WDFY3: variants seen among roughly 807,000 people sequenced by gnomAD.
The protein encoded by WDFY3 is WD repeat and FYVE domain-containing protein 3.
Under a neutral mutation model 409.6 loss-of-function variants are expected in WDFY3, and 66 were observed. That is an observed-to-expected ratio of 0.16 (90% CI 0.13 to 0.20). The LOEUF (loss-of-function observed/expected upper bound fraction) is 0.20. Among genes scored for constraint, WDFY3 ranks in the 10% least tolerant of loss-of-function variants. The pLI is 1.00. For missense variants in WDFY3, 3,031 were observed against 4,298.1 expected, an observed-to-expected ratio of 0.71 and a Z score of 8.24; for synonymous variants, 1,521 against 1,537.1, an observed-to-expected ratio of 0.99 and a Z score of 0.25.
At chr4:84,833,352 G>A (rs559396895) in intron 7 of WDFY3, among the ~76,000 whole-genome samples, 125 of 152,142 alleles carry the variant, frequency 8.2e-4, no homozygotes, top group African/African-American at 2.7e-3. Context: ...GAAAAAGAGC[G>A]CTTCATGAAA....
intron 2 of WDFY3, among the ~76,000 whole-genome samples, chr4:84,928,949 C>T (rs1389719171): frequency 6.6e-6 from 1 of 152,194 alleles, no homozygotes; most frequent in East Asian, 1.9e-4. Context: ...CTGGTATTCA[C>T]ACCCTTGTGT....
chr4:84,686,338 C>A (rs1487076991), intron 62 of WDFY3, among the ~76,000 whole-genome samples: 1 of 151,776 alleles, frequency 6.6e-6, no homozygotes, highest in Non-Finnish European at 1.5e-5. Flanking sequence ...AATAAAACCC[C>A]AAAAAACAAA....
chr4:84,814,315 T>C (rs538985422), intron 13 of WDFY3, among the ~76,000 whole-genome samples: 6 of 152,286 alleles, frequency 3.9e-5, no homozygotes, highest in African/African-American at 1.4e-4. Flanking sequence ...CAAGTTGATA[T>C]CCCTAGAGTC....
chr4:84,857,913 C>G (rs548318888), intron 4 of WDFY3, among the ~76,000 whole-genome samples: 1 of 152,126 alleles, frequency 6.6e-6, no homozygotes, highest in African/African-American at 2.4e-5. Flanking sequence ...CCTATACAAA[C>G]CTCAATCTCA....
At chr4:84,869,108 A>G (rs559895062) in intron 3 of WDFY3, among the ~76,000 whole-genome samples, 1 of 152,354 alleles carries the variant, frequency 6.6e-6, no homozygotes, top group South Asian at 2.1e-4. Flanking sequence ...TGGAAGGCAC[A>G]GTACAGGGAG....
intron 21 of WDFY3, among the ~76,000 whole-genome samples, 174 bp downstream of exon 21, chr4:84,794,345 T>C (rs896480181): frequency 2.6e-5 from 4 of 152,220 alleles, no homozygotes; most frequent in Non-Finnish European, 5.9e-5. Flanking sequence ...TAAGTCTCTT[T>C]TGAAAGTGCC....
chr4:84,677,271 C>T lies in WDFY3; in HGVS notation c.10385G>A (p.Gly3462Asp). 1 of 1,614,240 alleles carries T rather than the reference C, an allele frequency of 6.2e-7. No homozygotes were observed. Among genetic ancestry groups the T allele is most frequent in the Non-Finnish European group, 8.5e-7 (1 of 1,180,040 alleles). Residue 3462 changes from glycine (G) to aspartate (D), a missense_variant, in exon 67 of 68, where the codon GGC (glycine) becomes GAC (aspartate). Around this residue, in one of 16 missense-constraint regions of WDFY3, gnomAD observed 378 missense variants for 477.3 expected, o/e 0.79. Coordinates refer to ENST00000295888, the MANE Select transcript of WDFY3 (RefSeq NM_014991.6). Reference protein sequence around the residue: ...VKDEGGDSCSGCSVRFSLTER... With the variant: ...VKDEGGDSCSDCSVRFSLTER... ...TGTGAGTGAAAACCTCACCGAGCAG[C>T]CTGAGCAGCTGTCACCACCTTCATC...
rs1318327854 is a variant in WDFY3, at chr4:84,672,621, TG to T, written c.*246del. The T allele has an allele frequency of 3.2e-6, 1 of 309,390 alleles. No homozygotes were observed. The highest frequency in any genetic ancestry group is 2.1e-5 in the African/African-American group (1 of 46,542). 19.2% of individuals were successfully genotyped at this position (309,390 alleles called of 1,614,324 possible). Reference sequence around the variant, plus strand: ...GACAGCTACTGTCATCAGGGAGAACTGGAGGTCGAAAGTGTTGCTCCTAGGA... The same window carrying T: ...GACAGCTACTGTCATCAGGGAGAACTGAGGTCGAAAGTGTTGCTCCTAGGA... On this transcript the variant is annotated 3_prime_UTR_variant, in exon 68 of 68. Coordinates refer to ENST00000295888, the MANE Select transcript of WDFY3 (RefSeq NM_014991.6).
intron 6 of WDFY3, among the ~76,000 whole-genome samples, chr4:84,840,706 A>C (rs1757216850): frequency 6.6e-6 from 1 of 151,334 alleles, no homozygotes; most frequent in South Asian, 2.1e-4. Flanking sequence ...GCCTCTGAAC[A>C]GCTGGGACTT....
chr4:84,951,232 G>C (rs1001993362), intron 1 of WDFY3, among the ~76,000 whole-genome samples: 2 of 152,142 alleles, frequency 1.3e-5, no homozygotes, highest in Non-Finnish European at 2.9e-5. Flanking sequence ...ATGAGTTACT[G>C]GTCAACATGT....
At chr4:84,956,196 G>T (rs1174515702) in intron 1 of WDFY3, among the ~76,000 whole-genome samples, 2 of 152,186 alleles carry the variant, frequency 1.3e-5, no homozygotes, top group Non-Finnish European at 2.9e-5. Flanking sequence ...TGGCTGAGCA[G>T]CTGGTTCATC....
chr4:84,701,178 T>A (rs1056711978), intron 56 of WDFY3, among the ~76,000 whole-genome samples: 2 of 152,232 alleles, frequency 1.3e-5, no homozygotes, highest in Non-Finnish European at 2.9e-5. Flanking sequence ...TTGTTCTCGT[T>A]GACTATTCTA....
At position 84,877,647 on chromosome 4, in the gene WDFY3, T is replaced by C. The variant is rs974229478; in HGVS notation, c.-31-17025A>G. ...TCTGACAGATGCCTCACCGTCTTGG[T>C]TCCCATAGCATCCTGTGTACATCTT... On this transcript the variant is annotated intron_variant, in intron 3 of 67. Coordinates refer to ENST00000295888, the MANE Select transcript of WDFY3 (RefSeq NM_014991.6). Among the ~76,000 whole-genome samples, 9 of 152,314 alleles carry C rather than the reference T, an allele frequency of 5.9e-5. No individual in the cohort carries two copies. In the South Asian group the frequency reaches 1.9e-3, roughly 32 times the overall value.
chr4:84,842,887 TTAACA>T (rs1440010583), intron 5 of WDFY3, among the ~76,000 whole-genome samples: 1 of 152,214 alleles, frequency 6.6e-6, no homozygotes, highest in African/African-American at 2.4e-5. Flanking sequence ...TTTCTTCAAC[TTAACA>T]TAAAATAAAA....
intron 63 of WDFY3, chr4:84,683,094 C>T (rs1318276499): frequency 6.6e-6 from 1 of 152,610 alleles, no homozygotes; most frequent in Non-Finnish European, 1.5e-5. Context: ...AGAGGGCATA[C>T]AGTAAACAGA....
intron 3 of WDFY3, among the ~76,000 whole-genome samples, 190 bp from the exon 4 acceptor site, chr4:84,860,812 C>A (rs1760501753): frequency 6.6e-6 from 1 of 152,144 alleles, no homozygotes. Flanking sequence ...AATTATGAAT[C>A]TCAGCATTGG....
chr4:84,779,079 ATAAT>A (rs992177596), intron 26 of WDFY3, among the ~76,000 whole-genome samples: 23 of 152,266 alleles, frequency 1.5e-4, no homozygotes, highest in African/African-American at 5.1e-4. Context: ...CACGGTCTTA[ATAAT>A]TACAATTTTA....
intron 51 of WDFY3, among the ~76,000 whole-genome samples, chr4:84,711,971 C>G (rs370031092): frequency 5.9e-5 from 9 of 151,942 alleles, no homozygotes; most frequent in East Asian, 3.9e-4. Context: ...TTTTGTGTAT[C>G]AAGAGCCTTA....
At chr4:84,798,916 T>C (rs778530588) in intron 17 of WDFY3, among the ~76,000 whole-genome samples, 2 of 152,144 alleles carry the variant, frequency 1.3e-5, no homozygotes, top group Non-Finnish European at 2.9e-5. Flanking sequence ...ACAAAACAGC[T>C]AGCATTCAGT....
Sources: allele counts gnomAD v4.1 joint callset (sites outside exome capture counted in the v4.1 genomes callset), GRCh38; gene constraint gnomAD v4.1.1; regional missense constraint gnomAD v4.1.1; transcripts MANE v1.5; gene names NCBI Gene and HGNC (gene_info 2026-07-23, HGNC 2026-07-21).